Variants in PAPOLG observed in about 807,000 individuals in gnomAD.
PAPOLG encodes the protein poly(A) polymerase gamma.
Under a neutral mutation model 99.0 loss-of-function variants are expected in PAPOLG, and 40 were observed. That is an observed-to-expected ratio of 0.40 (90% CI 0.31 to 0.53). The LOEUF is 0.53. PAPOLG is among the 20% of genes least tolerant of loss of function. PAPOLG has a pLI of 0.41. For synonymous variants in PAPOLG, 310 were observed against 299.3 expected, an observed-to-expected ratio of 1.04 and a Z score of -0.37; for missense variants, 675 against 884.1, an observed-to-expected ratio of 0.76 and a Z score of 3.00.
chr2:60,785,386 C>T (rs1171576041), intron 13 of PAPOLG, among the ~76,000 whole-genome samples: 1 of 152,186 alleles, frequency 6.6e-6, no homozygotes, highest in African/African-American at 2.4e-5. Flanking sequence ...ATGCACCCAC[C>T]TTGGCCTCCC....
chr2:60,795,249 CTATT>C, intron 21 of PAPOLG: 1 of 512,668 alleles, frequency 2.0e-6, no homozygotes, highest in Non-Finnish European at 3.6e-6. Context: ...ACTTTATTAT[CTATT>C]TAGATTATGT....
chr2:60,757,505 A>G (rs1670384510), intron 1 of PAPOLG, among the ~76,000 whole-genome samples: 1 of 152,138 alleles, frequency 6.6e-6, no homozygotes, highest in Non-Finnish European at 1.5e-5. Context: ...GCATAGTTCT[A>G]GTTGTTTTTA....
At position 60,773,449 on chromosome 2, in the gene PAPOLG, TTTA is replaced by T. The variant is rs1194720255; in HGVS notation, c.605-1583_605-1581del. 1.3e-4 allele frequency among the ~76,000 whole-genome samples: 20 copies of T among 152,252 alleles called. No individual in the cohort carries two copies. In the East Asian group the frequency reaches 3.5e-3, roughly 26 times the overall value. Reference sequence around the variant, plus strand: ...TCTTTAATTTGGCATGTTTGTGAGGTTTATCTGTATTTGTTCCGTTTTGTTGCT... The same window carrying T: ...TCTTTAATTTGGCATGTTTGTGAGGTTCTGTATTTGTTCCGTTTTGTTGCT... On this transcript the variant is annotated intron_variant, in intron 7 of 21. Transcript: ENST00000238714.
chr2:60,784,100 G>A (rs1483277205), intron 13 of PAPOLG, among the ~76,000 whole-genome samples: 1 of 152,130 alleles, frequency 6.6e-6, no homozygotes, highest in Non-Finnish European at 1.5e-5. Flanking sequence ...AGCCTCCAGA[G>A]TATCTGGGAT....
chr2:60,780,848 A>G, intron 10 of PAPOLG, 69 bp downstream of exon 10: 1 of 1,158,590 alleles, frequency 8.6e-7, no homozygotes, highest in Admixed American at 1.7e-5. Flanking sequence ...ATTACAGTCT[A>G]GTTAAAGATA....
intron 3 of PAPOLG, among the ~76,000 whole-genome samples, chr2:60,767,142 G>C (rs1208914009): frequency 1.3e-5 from 2 of 152,096 alleles, no homozygotes; most frequent in African/African-American, 4.8e-5. Context: ...AAGCCAAGAA[G>C]AAGGAAAAGG....
At chr2:60,762,870 G>A (rs898880430) in intron 3 of PAPOLG, among the ~76,000 whole-genome samples, 7 of 151,446 alleles carry the variant, frequency 4.6e-5, no homozygotes, top group Non-Finnish European at 4.4e-5. Context: ...CAGGTGATCC[G>A]CCTGCCTCAG....
In PAPOLG at chr2:60,760,191, T is replaced by C; in HGVS notation, c.75T>C (p.Ile25=). 3.7e-6 allele frequency: 6 copies of C among 1,613,764 alleles called. No homozygotes were observed. The highest frequency in any genetic ancestry group is 5.1e-6 in the Non-Finnish European group (6 of 1,179,666). Residue 25 remains isoleucine (I), a synonymous_variant, in exon 2 of 22, where the codon ATT becomes ATC. Coordinates refer to ENST00000238714, the MANE Select transcript of PAPOLG (RefSeq NM_022894.4). ...QQKHYGITSP[I]SLASPKEIDH... is the part of the protein sequence containing the mutation. ...AGCATTATGGAATTACCTCCCCAAT[T>C]AGTTTGGCATCTCCTAAAGAAATTG... is the stretch of plus-strand genomic sequence containing the variant.
At chr2:60,794,358 C>T in intron 19 of PAPOLG, 167 bp downstream of exon 19, 1 of 729,324 alleles carries the variant, frequency 1.4e-6, no homozygotes, top group African/African-American at 1.8e-5. Flanking sequence ...ATTGAAATTA[C>T]TAATACGTCT....
chr2:60,757,221 CGTACAT>C (rs1347118944), intron 1 of PAPOLG, among the ~76,000 whole-genome samples: 3 of 152,188 alleles, frequency 2.0e-5, no homozygotes, highest in Admixed American at 1.3e-4. Flanking sequence ...CACACATACA[CGTACAT>C]GCACACACGC....
intron 7 of PAPOLG, among the ~76,000 whole-genome samples, chr2:60,773,290 A>G (rs1488743227): frequency 6.6e-6 from 1 of 152,198 alleles, no homozygotes; most frequent in Non-Finnish European, 1.5e-5. Flanking sequence ...AAGATCCTTT[A>G]TACCCATTTG....
At chr2:60,788,402 A>G (rs1362537643) in intron 15 of PAPOLG, among the ~76,000 whole-genome samples, 1 of 151,956 alleles carries the variant, frequency 6.6e-6, no homozygotes, top group Admixed American at 6.6e-5. Flanking sequence ...GCTCACTGCA[A>G]CCTCCACCTC....
chr2:60,760,390 G>T, intron 2 of PAPOLG, 95 bp downstream of exon 2: 2 of 1,194,236 alleles, frequency 1.7e-6, no homozygotes, highest in Non-Finnish European at 2.4e-6. Context: ...CTAGATACAG[G>T]TGCAGAAATG....
At chr2:60,787,477 T>C (rs370272311) in intron 14 of PAPOLG, 34 bp from the exon 15 acceptor site, 2 of 1,572,344 alleles carry the variant, frequency 1.3e-6, no homozygotes, top group African/African-American at 1.4e-5. Context: ...AAAATAATAA[T>C]AATTAATGGA....
intron 9 of PAPOLG, 131 bp from the exon 10 acceptor site, chr2:60,780,575 CT>C: frequency 8.8e-5 from 81 of 916,066 alleles, no homozygotes; most frequent in Middle Eastern, 2.3e-4. Context: ...CATGCTCGGC[CT>C]TTTTTTCCTT....
chr2:60,782,026 C>T (rs997788955), intron 11 of PAPOLG, 21 bp downstream of exon 11: 3 of 1,609,844 alleles, frequency 1.9e-6, no homozygotes, highest in Non-Finnish European at 2.6e-6. Flanking sequence ...GGCCCTGTTG[C>T]CCTTTACATA....
At chr2:60,772,665 T>G (rs1284246935) in intron 7 of PAPOLG, among the ~76,000 whole-genome samples, 1 of 151,980 alleles carries the variant, frequency 6.6e-6, no homozygotes, top group Non-Finnish European at 1.5e-5. Context: ...GGAAAATCAC[T>G]TGAACCCAGA....
At position 60,797,109 on chromosome 2, in the gene PAPOLG, A is replaced by G; in HGVS notation, c.2160A>G (p.Ala720=). Residue 720 remains alanine (A), a synonymous_variant, in exon 22 of 22, where the codon GCA becomes GCG. Transcript: ENST00000238714. ...CAGATTCATCATCTCCAGTTCCAGC[A>G]AACAACATCCGTGTCATCAAAAATT... ...ELPDSSSPVP[A]NNIRVIKNSI... The G allele has an allele frequency of 6.2e-7, 1 of 1,614,110 alleles. No individual in the cohort carries two copies. Among genetic ancestry groups the G allele is most frequent in the Non-Finnish European group, 8.5e-7 (1 of 1,179,936 alleles).
At chr2:60,793,023 C>T (rs35183708) in intron 17 of PAPOLG, among the ~76,000 whole-genome samples, 19,410 of 151,274 alleles carry the variant, frequency 0.13, 1,673 homozygotes, top group Middle Eastern at 0.2. Context: ...GCAACAAGAG[C>T]GAGACTCTGT....
Sources: gnomAD v4.1 joint callset for allele counts (sites outside exome capture counted in the v4.1 genomes callset) on GRCh38, gnomAD v4.1.1 for gene constraint, MANE v1.5 for transcripts, NCBI Gene and HGNC (gene_info 2026-07-23, HGNC 2026-07-21) for gene names.